The following C2CD5 variants were observed in gnomAD, a reference collection of about 807,000 sequenced individuals.
The protein encoded by C2CD5 is C2 domain-containing protein 5.
Under a neutral mutation model 130.3 loss-of-function variants are expected in C2CD5, and 109 were observed. The ratio of observed to expected loss-of-function variants is 0.84; its 90% CI spans 0.72 to 0.98. The LOEUF (loss-of-function observed/expected upper bound fraction) is 0.98. Among genes scored for constraint, C2CD5 ranks in the 50% least tolerant of loss-of-function variants. The pLI is 0.00. For synonymous variants in C2CD5, 454 were observed against 429.2 expected (o/e 1.06, Z -0.71); for missense variants, 996 against 1,261.8 (o/e 0.79, Z 3.19).
In C2CD5 at chr12:22,493,307, G is replaced by A; in HGVS notation, c.1178C>T (p.Ala393Val). ...DEPETRDAWW[A>V]EIRQEIKSHA... ...TGATTTTATTTCTTGTCTGATTTCT[G>A]CCCACCATGCATCTCGAGTTTCTGG... The change falls in exon 11 of 27, where the codon GCA becomes GTA. Residue 393 changes from alanine to valine, a missense_variant. Ala to Val is a moderately conservative substitution (Grantham distance 64). Around this residue, in one of 9 missense-constraint regions of C2CD5, gnomAD observed 6 missense variants for 26.7 expected, o/e 0.22. Transcript: ENST00000446597. 1 of 1,609,968 alleles carries A rather than the reference G, an allele frequency of 6.2e-7. No individual in the cohort carries two copies. Among genetic ancestry groups the A allele is most frequent in the Non-Finnish European group, 8.5e-7 (1 of 1,177,672 alleles).
At chr12:22,522,353 A>G (rs903235079) in intron 7 of C2CD5, among the ~76,000 whole-genome samples, 5 of 152,186 alleles carry the variant, frequency 3.3e-5, no homozygotes, top group African/African-American at 1.2e-4. Flanking sequence ...CCTAATCATT[A>G]TGACTGAAAA....
At chr12:22,476,778 A>G (rs1050188076) in intron 15 of C2CD5, among the ~76,000 whole-genome samples, 2 of 152,126 alleles carry the variant, frequency 1.3e-5, no homozygotes, top group Non-Finnish European at 2.9e-5. Context: ...GGTGAGAAAC[A>G]CTATTAAGTA....
rs1339292872 is a variant in C2CD5, at chr12:22,474,850, A to C, written c.1944T>G (p.Pro648=). Reference sequence around the variant, plus strand: ...ATCTTAGAAGTCTTGAGCGTTGCCTAGGTTCTGGGATGGGTGATCCTATAA... The same window carrying C: ...ATCTTAGAAGTCTTGAGCGTTGCCTCGGTTCTGGGATGGGTGATCCTATAA... ...EEIIGSPIPE[P]RQRSRLLRSQ... is the part of the protein sequence containing the mutation. The change falls in exon 16 of 27, where the codon CCT becomes CCG. Residue 648 remains proline, a synonymous_variant. Coordinates refer to ENST00000446597, the MANE Select transcript of C2CD5 (RefSeq NM_001286176.2). 1 of 1,606,852 alleles carries C rather than the reference A, an allele frequency of 6.2e-7. No homozygotes were observed. Among genetic ancestry groups the C allele is most frequent in the East Asian group, 2.2e-5 (1 of 44,642 alleles).
At position 22,535,360 on chromosome 12, in the gene C2CD5, A is replaced by T; in HGVS notation, c.91-16T>A. On this transcript the variant is annotated splice_polypyrimidine_tract_variant and intron_variant, in intron 2 of 26. Coordinates refer to ENST00000446597, the MANE Select transcript of C2CD5 (RefSeq NM_001286176.2). ...CAAATTTTACCTAAAAACAAATAAG[A>T]AATTATTCACATATGAATATCAAAA... is the stretch of plus-strand genomic sequence containing the variant. 4 of 1,320,084 alleles carry T rather than the reference A, an allele frequency of 3.0e-6. No individual in the cohort carries two copies. The highest frequency in any genetic ancestry group is 2.9e-5 in the African/African-American group (2 of 69,026). The allele number at this position is 1,320,084 out of a possible 1,614,324, so 81.8% of individuals were successfully genotyped here. A position where few individuals can be genotyped will look rare whatever the true frequency, so the allele number is the denominator to read the frequency against.
intron 25 of C2CD5, among the ~76,000 whole-genome samples, chr12:22,455,484 T>C (rs1023267637): frequency 1.3e-5 from 2 of 152,252 alleles, no homozygotes; most frequent in South Asian, 4.1e-4. Flanking sequence ...GGATTCAAAA[T>C]AGTGTAATAT....
intron 2 of C2CD5, among the ~76,000 whole-genome samples, chr12:22,541,147 A>G (rs932961859): frequency 1.3e-5 from 2 of 152,190 alleles, no homozygotes; most frequent in East Asian, 3.9e-4. Context: ...CACAAACCTA[A>G]CATGCTCAAA....
intron 12 of C2CD5, among the ~76,000 whole-genome samples, chr12:22,487,541 G>A (rs576610412): frequency 2.4e-4 from 36 of 152,250 alleles, no homozygotes; most frequent in African/African-American, 7.0e-4. Flanking sequence ...TCATTAAAAA[G>A]TCAGGAAACA....
At chr12:22,518,544 CA>C (rs1949981789) in intron 7 of C2CD5, among the ~76,000 whole-genome samples, 1 of 152,074 alleles carries the variant, frequency 6.6e-6, no homozygotes, top group South Asian at 2.1e-4. Context: ...CAGATATCCT[CA>C]AAAGAAAAAA....
At chr12:22,465,643 C>T (rs187361249) in intron 22 of C2CD5, among the ~76,000 whole-genome samples, 2,094 of 152,094 alleles carry the variant, frequency 0.014, 24 homozygotes, top group Non-Finnish European at 0.021. Flanking sequence ...GATTCCCCCC[C>T]ATTTTGCTCA....
chr12:22,498,352 T>A (rs1259290875), intron 10 of C2CD5, among the ~76,000 whole-genome samples: 1 of 151,960 alleles, frequency 6.6e-6, no homozygotes, highest in African/African-American at 2.4e-5. Flanking sequence ...TCCACAAACA[T>A]CCACTGAATA....
chr12:22,493,555 A>G (rs1004787503), intron 10 of C2CD5, among the ~76,000 whole-genome samples: 1 of 152,096 alleles, frequency 6.6e-6, no homozygotes, highest in Non-Finnish European at 1.5e-5. Context: ...TATTTGCTTT[A>G]TTACTTTAAC....
intron 3 of C2CD5, among the ~76,000 whole-genome samples, chr12:22,532,233 G>A (rs1249576670): frequency 6.6e-6 from 1 of 151,928 alleles, no homozygotes; most frequent in Non-Finnish European, 1.5e-5. Flanking sequence ...AAGAGGCTGA[G>A]GCAGGAGAAT....
At position 22,456,976 on chromosome 12, in the gene C2CD5, G is replaced by A. The variant is rs753259599; in HGVS notation, c.2872C>T (p.Arg958Trp). Residue 958 changes from arginine to tryptophan, a missense_variant, in exon 25 of 27, where the codon CGG (arginine) becomes TGG (tryptophan). Around this residue, in one of 9 missense-constraint regions of C2CD5, gnomAD observed 51 missense variants for 99.5 expected, o/e 0.51. Transcript: ENST00000446597. ...MFFIRETTSLREEGGVSGFLH... is the reference protein window; with the variant it reads ...MFFIRETTSLWEEGGVSGFLH... ...AATAACTTCTATAAAATTACCTCCC[G>A]AAGAGAAGTAGTCTCTCGAATAAAA... is the stretch of plus-strand genomic sequence containing the variant. The A allele has an allele frequency of 2.6e-6, 4 of 1,557,996 alleles. No individual in the cohort carries two copies. Among genetic ancestry groups the A allele is most frequent in the East Asian group, 2.3e-5 (1 of 42,884 alleles).
intron 4 of C2CD5, 95 bp downstream of exon 4, chr12:22,527,626 C>T: frequency 1.4e-6 from 1 of 734,224 alleles, no homozygotes; most frequent in Non-Finnish European, 2.1e-6. Flanking sequence ...CCTAAAGATA[C>T]ATATTTTAAA....
chr12:22,453,593 T>TCC (rs1939171186), intron 26 of C2CD5, among the ~76,000 whole-genome samples: 1 of 152,168 alleles, frequency 6.6e-6, no homozygotes, highest in African/African-American at 2.4e-5. Flanking sequence ...TCTTTAGCTC[T>TCC]CCTCAGTTAG....
intron 10 of C2CD5, among the ~76,000 whole-genome samples, chr12:22,502,389 C>T (rs1947911005): frequency 6.6e-6 from 1 of 152,006 alleles, no homozygotes; most frequent in Non-Finnish European, 1.5e-5. Flanking sequence ...TTATATTTAA[C>T]AAATATTTGC....
At chr12:22,479,984 A>G (rs1039348498) in intron 14 of C2CD5, among the ~76,000 whole-genome samples, 6 of 152,172 alleles carry the variant, frequency 3.9e-5, no homozygotes, top group African/African-American at 1.4e-4. Context: ...CACCAATCCT[A>G]AAAAGGGATT....
chr12:22,521,077 C>T (rs189428597), intron 7 of C2CD5, among the ~76,000 whole-genome samples: 1 of 152,178 alleles, frequency 6.6e-6, no homozygotes, highest in East Asian at 1.9e-4. Flanking sequence ...CAGTCAATAA[C>T]ATAATCTAAA....
chr12:22,459,538 G>C lies in C2CD5; in HGVS notation c.2538C>G (p.His846Gln). The C allele has an allele frequency of 6.5e-7, 1 of 1,528,030 alleles. No individual in the cohort carries two copies. The highest frequency in any genetic ancestry group is 8.8e-7 in the Non-Finnish European group (1 of 1,139,780). The allele number at this position is 1,528,030 out of a possible 1,614,324, so 94.7% of individuals were successfully genotyped here. ...PSHPFPPAKE[H>Q]LESASSNSGI... ...CTGAGTTAGAACTTGCACTCTCCAG[G>C]TGTTCTAATAAGACAATATGAACAA... Residue 846 changes from histidine (H) to glutamine (Q), a missense_variant, in exon 23 of 27, where the codon CAC becomes CAG. His to Gln is a conservative substitution (Grantham distance 24). Transcript: ENST00000446597.
Sources: gnomAD v4.1 joint callset for allele counts (sites outside exome capture counted in the v4.1 genomes callset) on GRCh38, gnomAD v4.1.1 for gene constraint, gnomAD v4.1.1 regional missense constraint, MANE v1.5 for transcripts, NCBI Gene and HGNC (gene_info 2026-07-23, HGNC 2026-07-21) for gene names.